Variants in CSF2RA observed in about 807,000 individuals in gnomAD.
The protein encoded by CSF2RA is granulocyte-macrophage colony-stimulating factor receptor subunit alpha.
A neutral mutation model predicts 51.6 loss-of-function variants in CSF2RA; 42 were observed. That is an observed-to-expected ratio of 0.81 (90% confidence interval 0.64 to 1.05). The LOEUF (loss-of-function observed/expected upper bound fraction) is 1.05, where lower values mean the gene tolerates loss of function less well. Among genes scored for constraint, CSF2RA ranks in the 50% least tolerant of loss-of-function variants. The pLI is 0.00. For missense variants in CSF2RA, 530 were observed against 501.1 expected (o/e 1.06, Z -0.55); for synonymous variants, 222 against 193.0 (o/e 1.15, Z -1.24).
At chrX:1,279,447 C>G (rs1244682021) in intron 2 of CSF2RA, among the ~76,000 whole-genome samples, 8 of 152,018 alleles carry the variant, frequency 5.3e-5, no homozygotes, top group Non-Finnish European at 1.0e-4. Context: ...GGGCCAGTCT[C>G]AAGGAACAGG....
the CSF2RA span, among the ~76,000 whole-genome samples, chrX:1,316,059 A>AATAGATAGATAGATAGATAC: frequency 6.7e-6 from 1 of 149,036 alleles, no homozygotes; most frequent in Non-Finnish European, 1.5e-5. Flanking sequence ...TAGATAGATC[A>AATAGATAGATAGATAGATAC]ATAGATAGAT....
chrX:1,299,915 C>CAAATA (rs1365475254), intron 9 of CSF2RA, among the ~76,000 whole-genome samples: 2 of 151,134 alleles, frequency 1.3e-5, no homozygotes, highest in Admixed American at 1.3e-4. Context: ...GAGAGTGTCT[C>CAAATA]AAATAAAATA....
At chrX:1,312,512 G>T (rs1311731776), downstream of CSF2RA, among the ~76,000 whole-genome samples, 4 of 151,994 alleles carry the variant, frequency 2.6e-5, no homozygotes, top group South Asian at 2.1e-4. Flanking sequence ...CTATCACATG[G>T]GATTAGGACG....
At chrX:1,299,951 C>T (rs1190204481) in intron 9 of CSF2RA, among the ~76,000 whole-genome samples, 1 of 151,038 alleles carries the variant, frequency 6.6e-6, no homozygotes, top group Non-Finnish European at 1.5e-5. Flanking sequence ...GGCGTGGTGG[C>T]TCATGCCTGT....
intron 6 of CSF2RA, 47 bp downstream of exon 6, chrX:1,288,935 G>A (rs750409574): frequency 5.0e-6 from 8 of 1,610,208 alleles, no homozygotes; most frequent in Middle Eastern, 1.7e-4. Context: ...GCAGGGATGG[G>A]AGAAAAAATC....
chrX:1,321,348 A>C, the CSF2RA span, among the ~76,000 whole-genome samples: 1 of 152,070 alleles, frequency 6.6e-6, no homozygotes, highest in Admixed American at 6.6e-5. Context: ...AAGCTCCTGT[A>C]GTCCCAGCTA....
At chrX:1,283,750 AG>A (rs1236269155) in intron 3 of CSF2RA, among the ~76,000 whole-genome samples, 1 of 151,530 alleles carries the variant, frequency 6.6e-6, no homozygotes, top group Non-Finnish European at 1.5e-5. Context: ...TTGTATTTTT[AG>A]TAGAGATGGG....
intron 8 of CSF2RA, 114 bp downstream of exon 8, chrX:1,294,575 A>T: frequency 7.2e-7 from 1 of 1,397,616 alleles, no homozygotes; most frequent in Non-Finnish European, 1.0e-6. Context: ...GTGGGTGGTG[A>T]GCGGTGACTC....
chrX:1,301,331 CAAA>C (rs1156943650), intron 10 of CSF2RA, among the ~76,000 whole-genome samples: 22 of 62,702 alleles, frequency 3.5e-4, no homozygotes, highest in African/African-American at 7.2e-4. Context: ...GACTCTGTCT[CAAA>C]AAAAAAAAAA....
At chrX:1,269,468 A>G (rs2147967449) in intron 1 of CSF2RA, among the ~76,000 whole-genome samples, 1 of 152,076 alleles carries the variant, frequency 6.6e-6, no homozygotes, top group Non-Finnish European at 1.5e-5. Context: ...TAAAAATACA[A>G]AATTAGCCGG....
At chrX:1,280,385 C>G (rs1444930985) in intron 2 of CSF2RA, among the ~76,000 whole-genome samples, 1 of 150,446 alleles carries the variant, frequency 6.6e-6, no homozygotes, top group Non-Finnish European at 1.5e-5. Flanking sequence ...GCAGGAGAAT[C>G]GCTTGAACCC....
In CSF2RA at chrX:1,288,802, CA is replaced by C; in HGVS notation, c.389del (p.Asn130MetfsTer4). On this transcript the variant is annotated frameshift_variant, in exon 6 of 13. Coordinates refer to ENST00000381529, the MANE Select transcript of CSF2RA (RefSeq NM_172245.4). LOFTEE classifies it high-confidence loss of function. Reference protein sequence around the residue: ...AAQNFSCFIYNADLMNCTWAR... With the variant: ...AAQNFSCFIYXADLMNCTWAR... ...CTCAGAATTTCTCCTGTTTCATCTA[CA>C]ATGCGGATTTAATGAACTGTACCTG... The C allele has an allele frequency of 6.2e-7, 1 of 1,613,916 alleles. No individual in the cohort carries two copies. The highest frequency in any genetic ancestry group is 8.5e-7 in the Non-Finnish European group (1 of 1,179,872).
chrX:1,309,745 A>C lies in CSF2RA; in HGVS notation c.*266A>C. ...GGACTAAAAATGCAGAAATTTACCC[A>C]GGCACGGCGGCGGACGCCCATCATC... On this transcript the variant is annotated 3_prime_UTR_variant, in exon 13 of 13. Transcript: ENST00000381529. 1 of 734,270 alleles carries C rather than the reference A, an allele frequency of 1.4e-6. No individual in the cohort carries two copies. The highest frequency in any genetic ancestry group is 2.4e-6 in the Non-Finnish European group (1 of 423,878). 45.5% of individuals were successfully genotyped at this position (734,270 alleles called of 1,614,324 possible). A position where few individuals can be genotyped will look rare whatever the true frequency, so the allele number is the denominator to read the frequency against.
rs775114336 is a variant in CSF2RA, at chrX:1,295,440, G to C, written c.794G>C (p.Gly265Ala). 13 of 1,613,316 alleles carry C rather than the reference G, an allele frequency of 8.1e-6. No individual in the cohort carries two copies. Among genetic ancestry groups the C allele is most frequent in the Non-Finnish European group, 1.1e-5 (13 of 1,179,566 alleles). Reference protein sequence around the residue: ...LDVHRKNTQPGTENLLINVSG... With the variant: ...LDVHRKNTQPATENLLINVSG... The stretch of plus-strand genomic sequence containing the variant: ...TTTTGTTTCTAGAATACCCAGCCTG[G>C]CACGGAAAACCTACTGGTAAGTGAA... The change falls in exon 9 of 13, where the codon GGC becomes GCC. Residue 265 changes from glycine to alanine, a missense_variant. Gly to Ala is a moderately conservative substitution (Grantham distance 60, BLOSUM62 0). Coordinates refer to ENST00000381529, the MANE Select transcript of CSF2RA (RefSeq NM_172245.4).
At chrX:1,276,132 C>T (rs2089160179) in intron 2 of CSF2RA, among the ~76,000 whole-genome samples, 1 of 150,938 alleles carries the variant, frequency 6.6e-6, no homozygotes, top group Non-Finnish European at 1.5e-5. Flanking sequence ...TCCCAAGTAG[C>T]TGGCATTACA....
At chrX:1,310,592 C>T (rs747508597), downstream of CSF2RA, among the ~76,000 whole-genome samples, 40 of 149,400 alleles carry the variant, frequency 2.7e-4, no homozygotes, top group Admixed American at 1.7e-3. Flanking sequence ...GGCGTGAACC[C>T]GGGAGGAGGA....
At chrX:1,318,677 G>A in the CSF2RA span, among the ~76,000 whole-genome samples, 1 of 151,506 alleles carries the variant, frequency 6.6e-6, no homozygotes, top group Non-Finnish European at 1.5e-5. Context: ...CAACACTTTG[G>A]GAGGCCGAGG....
intron 10 of CSF2RA, among the ~76,000 whole-genome samples, chrX:1,301,587 CT>C (rs1440764567): frequency 2.9e-5 from 4 of 135,656 alleles, no homozygotes; most frequent in African/African-American, 8.1e-5. Flanking sequence ...CTCTCTCCCT[CT>C]TTTTTTCTTT....
At chrX:1,280,946 GCTTCTCCTCCTC>G (rs2089894371) in intron 2 of CSF2RA, among the ~76,000 whole-genome samples, 4 of 10,922 alleles carry the variant, frequency 3.7e-4, no homozygotes, top group East Asian at 4.5e-3. Context: ...TCCTCCTCCT[GCTTCTCCTCCTC>G]CTCCTTCTCC....
Sources: allele counts gnomAD v4.1 joint callset (sites outside exome capture counted in the v4.1 genomes callset), GRCh38; gene constraint gnomAD v4.1.1; transcripts MANE v1.5; gene names NCBI Gene and HGNC (gene_info 2026-07-23, HGNC 2026-07-21).